Variants in HERC1 observed in about 807,000 individuals in gnomAD.
HERC1 encodes HECT and RLD domain containing E3 ubiquitin protein ligase family member 1.
In HERC1, 160 loss-of-function variants were observed where a neutral mutation model predicts 554.3. The ratio of observed to expected loss-of-function variants is 0.29; its 90% CI spans 0.25 to 0.33. The LOEUF (loss-of-function observed/expected upper bound fraction) is 0.33, where lower values mean the gene tolerates loss of function less well. Ranked by LOEUF, HERC1 falls within the 10% of genes least tolerant of loss-of-function variation. The probability of loss-of-function intolerance (pLI) is 1.00; values close to 1 mark genes in which losing one functional copy is unlikely to be tolerated. For missense variants in HERC1, 4,919 were observed against 5,918.5 expected, an observed-to-expected ratio of 0.83 and a Z score of 5.54; for synonymous variants, 2,175 against 2,131.7, an observed-to-expected ratio of 1.02 and a Z score of -0.56.
chr15:63,811,295 G>C (rs2077299937), intron 1 of HERC1, among the ~76,000 whole-genome samples: 1 of 152,178 alleles, frequency 6.6e-6, no homozygotes, highest in Non-Finnish European at 1.5e-5. Context: ...GAGAGGACAG[G>C]GAGGATCATG....
At chr15:63,625,924 G>A in intron 71 of HERC1, 61 bp downstream of exon 71, 2 of 1,532,552 alleles carry the variant, frequency 1.3e-6, no homozygotes, top group Non-Finnish European at 1.8e-6. Flanking sequence ...TGGCGAGCAT[G>A]TCACGGGCAC....
chr15:63,828,768 A>G (rs62020836), intron 1 of HERC1, among the ~76,000 whole-genome samples: 34,427 of 152,184 alleles, frequency 0.23, 4,861 homozygotes, highest in Middle Eastern at 0.35. Flanking sequence ...AACAGTAACA[A>G]TAACAAATGA....
At chr15:63,611,647 A>G (rs570764828) in intron 77 of HERC1, among the ~76,000 whole-genome samples, 51 of 152,236 alleles carry the variant, frequency 3.4e-4, no homozygotes, top group Non-Finnish European at 5.7e-4. Flanking sequence ...AAGAGGCAGT[A>G]TGATGATCCT....
Position 63,723,280 on chromosome 15 carries a change from C to A in HERC1, c.3644G>T (p.Arg1215Leu), listed in dbSNP as rs202041791. 6.3e-7 allele frequency: 1 copy of A among 1,597,798 alleles called. No homozygotes were observed. The highest frequency in any genetic ancestry group is 8.5e-7 in the Non-Finnish European group (1 of 1,171,222). The change falls in exon 19 of 78, where the codon CGG becomes CTG. Residue 1215 changes from arginine to leucine, a missense_variant. This residue lies in a region of HERC1 where 1,121 missense variants were observed against 1,244.0 expected (regional missense o/e 0.90). Transcript: ENST00000443617. ...GTCTACATAGACAGCAATTTCAGGCCGCAATTTATAATCAAAAGGCTTCTG... is the reference window on the plus strand; with the variant it reads ...GTCTACATAGACAGCAATTTCAGGCAGCAATTTATAATCAAAAGGCTTCTG... ...EEQKPFDYKL[R>L]PEIAVYVDLA...
intron 1 of HERC1, among the ~76,000 whole-genome samples, chr15:63,795,038 C>T (rs1357480695): frequency 7.1e-6 from 1 of 141,148 alleles, no homozygotes; most frequent in Non-Finnish European, 1.5e-5. Context: ...TGCATTCCAG[C>T]CCGGGCAACA....
In HERC1 at chr15:63,786,005, C is replaced by A. The variant is rs117994834; in HGVS notation, c.-26-10356G>T. On this transcript the variant is annotated intron_variant, in intron 1 of 77. Coordinates refer to ENST00000443617, the MANE Select transcript of HERC1 (RefSeq NM_003922.4). ...ACAGGTGTGAGCCACCATGCCCAACCCAAGAGATAATTCTTTAGTGGAAAA... is the reference window on the plus strand; with the variant it reads ...ACAGGTGTGAGCCACCATGCCCAACACAAGAGATAATTCTTTAGTGGAAAA... 5.3e-3 allele frequency among the ~76,000 whole-genome samples: 800 copies of A among 151,810 alleles called. 9 individuals are homozygous for A. Among genetic ancestry groups the A allele is most frequent in the Non-Finnish European group, 6.6e-3 (451 of 67,932 alleles).
At chr15:63,704,905 A>G (rs2072922480) in intron 25 of HERC1, among the ~76,000 whole-genome samples, 1 of 151,438 alleles carries the variant, frequency 6.6e-6, no homozygotes, top group African/African-American at 2.4e-5. Context: ...CGCCCGGCTA[A>G]TTTTTTGTAT....
At chr15:63,654,796 G>T (rs985309451) in intron 50 of HERC1, among the ~76,000 whole-genome samples, 5 of 151,714 alleles carry the variant, frequency 3.3e-5, no homozygotes, top group African/African-American at 4.8e-5. Flanking sequence ...TTCAAGCTGG[G>T]AGACGGAGGT....
Position 63,671,670 on chromosome 15 carries a change from A to G in HERC1, c.8045+826T>C, listed in dbSNP as rs1013707949. 3.9e-5 allele frequency among the ~76,000 whole-genome samples: 6 copies of G among 152,194 alleles called. No homozygotes were observed. The South Asian group carries it at 6.2e-4, about 16-fold the overall frequency. On this transcript the variant is annotated intron_variant, in intron 39 of 77. Transcript: ENST00000443617. ...CAGACTTGCTGAGGGATACAGCCCTAGAGCTTTAAAAAGTTGCCCAGGTGG... is the reference window on the plus strand; with the variant it reads ...CAGACTTGCTGAGGGATACAGCCCTGGAGCTTTAAAAAGTTGCCCAGGTGG...
chr15:63,627,588 C>A (rs1021733007), intron 70 of HERC1, among the ~76,000 whole-genome samples: 8 of 151,552 alleles, frequency 5.3e-5, no homozygotes, highest in African/African-American at 1.9e-4. Flanking sequence ...GCAGGAGAAT[C>A]GCTTGAACCC....
intron 68 of HERC1, chr15:63,632,452 G>C (rs2068603481): frequency 7.8e-6 from 4 of 511,978 alleles, no homozygotes; most frequent in Non-Finnish European, 1.4e-5. Context: ...AAAAGAAGAG[G>C]GGACGGCCCT....
intron 10 of HERC1, 38 bp from the exon 11 acceptor site, chr15:63,747,896 A>T (rs1198894549): frequency 6.6e-7 from 1 of 1,508,872 alleles, no homozygotes; most frequent in Admixed American, 2.3e-5. Flanking sequence ...AACAGTCTTA[A>T]AATGAAATTT....
rs910953789 is a variant in HERC1, at chr15:63,713,258, T to C, written c.4463+95A>G. On this transcript the variant is annotated intron_variant, in intron 23 of 77. Coordinates refer to ENST00000443617, the MANE Select transcript of HERC1 (RefSeq NM_003922.4). ...TTCTTCTTTCATGTCTATGTTAACA[T>C]CAGAACACTGTAACTTTGGAAACAA... The C allele has an allele frequency of 1.0e-5, 11 of 1,055,344 alleles. No individual in the cohort carries two copies. In the African/African-American group the frequency reaches 1.4e-4, roughly 14 times the overall value. The allele number at this position is 1,055,344 out of a possible 1,614,324, so 65.4% of individuals were successfully genotyped here. A position where few individuals can be genotyped will look rare whatever the true frequency, so the allele number is the denominator to read the frequency against.
Position 63,689,542 on chromosome 15 carries a change from T to C in HERC1, c.6048+47A>G, listed in dbSNP as rs1291157132. On this transcript the variant is annotated intron_variant, in intron 33 of 77. Coordinates refer to ENST00000443617, the MANE Select transcript of HERC1 (RefSeq NM_003922.4). ...AGGCATTCAGAGACAAGTGACAGAA[T>C]ATTCACTTATGCTGTTAAGAAATAC... is the stretch of plus-strand genomic sequence containing the variant. The C allele has an allele frequency of 3.9e-6, 4 of 1,014,146 alleles. No individual in the cohort carries two copies. The South Asian group carries it at 4.5e-5, about 11-fold the overall frequency. 62.8% of individuals were successfully genotyped at this position (1,014,146 alleles called of 1,614,324 possible).
Position 63,734,974 on chromosome 15 carries a change from G to A in HERC1, c.2521-125C>T. 1 of 788,586 alleles carries A rather than the reference G, an allele frequency of 1.3e-6. No homozygotes were observed. The highest frequency in any genetic ancestry group is 2.0e-6 in the Non-Finnish European group (1 of 512,202). The allele number at this position is 788,586 out of a possible 1,614,324, so 48.8% of individuals were successfully genotyped here. Reference sequence around the variant, plus strand: ...CTAAAAAAGATGGCATGATAAAAAAGAAAGCATGCAAGTCCTCCTTCAGAT... The same window carrying A: ...CTAAAAAAGATGGCATGATAAAAAAAAAAGCATGCAAGTCCTCCTTCAGAT... On this transcript the variant is annotated intron_variant, in intron 12 of 77. Coordinates refer to ENST00000443617, the MANE Select transcript of HERC1 (RefSeq NM_003922.4). The surrounding 1 kb of genome is among the most constrained non-coding windows in gnomAD (Gnocchi z 4.6).
At chr15:63,656,479 A>T in intron 48 of HERC1, 121 bp from the exon 49 acceptor site, 1 of 873,074 alleles carries the variant, frequency 1.1e-6, no homozygotes, top group Non-Finnish European at 1.7e-6. Flanking sequence ...CTGCACTATC[A>T]TTAGCCATAC....
At chr15:63,661,555 G>A (rs977714648) in intron 45 of HERC1, among the ~76,000 whole-genome samples, 198 bp downstream of exon 45, 4 of 152,196 alleles carry the variant, frequency 2.6e-5, no homozygotes, top group African/African-American at 7.2e-5. Flanking sequence ...AAACTCCAGG[G>A]AAGGATATGT....
At chr15:63,826,790 A>C (rs2077920436) in intron 1 of HERC1, among the ~76,000 whole-genome samples, 1 of 41,346 alleles carries the variant, frequency 2.4e-5, no homozygotes, top group African/African-American at 1.0e-4. Context: ...CTGGTAAAAA[A>C]AAAAAAAAAA....
chr15:63,620,693 A>C (rs1207990889), intron 74 of HERC1, among the ~76,000 whole-genome samples: 1 of 152,000 alleles, frequency 6.6e-6, no homozygotes, highest in Non-Finnish European at 1.5e-5. Flanking sequence ...TTGGGTGCAT[A>C]TATATTTAGG....
Sources: gnomAD v4.1 joint callset for allele counts (sites outside exome capture counted in the v4.1 genomes callset) on GRCh38, gnomAD v4.1.1 for gene constraint, gnomAD v4.1.1 regional missense constraint, Gnocchi (gnomAD v3.1) non-coding constraint, MANE v1.5 for transcripts, NCBI Gene and HGNC (gene_info 2026-07-23, HGNC 2026-07-21) for gene names.